TLR7: variants seen among roughly 807,000 people sequenced by gnomAD.
The protein encoded by TLR7 is toll-like receptor 7.
In TLR7, 12 loss-of-function variants were observed where a neutral mutation model predicts 38.3. That is an observed-to-expected ratio of 0.31 (90% CI 0.20 to 0.51). The LOEUF (loss-of-function observed/expected upper bound fraction) is 0.51, where lower values mean the gene tolerates loss of function less well. Ranked by LOEUF, TLR7 falls within the 20% of genes least tolerant of loss-of-function variation. The pLI is 0.98. For synonymous variants in TLR7, 285 were observed against 293.8 expected, an observed-to-expected ratio of 0.97 and a Z score of 0.31; for missense variants, 504 against 743.4, an observed-to-expected ratio of 0.68 and a Z score of 3.74.
At position 12,886,120 on chromosome X, in the gene TLR7, A is replaced by G; in HGVS notation, c.612A>G (p.Thr204=). ...AGAAAGATGCCTTCCTAAACTTGAC[A>G]AAGTTAAAAGTGCTCTCCCTGAAAG... ...SIEKDAFLNL[T]KLKVLSLKDN... is the part of the protein sequence containing the mutation. Residue 204 remains threonine, a synonymous_variant, in exon 3 of 3, where the codon ACA becomes ACG. Coordinates refer to ENST00000380659, the MANE Select transcript of TLR7 (RefSeq NM_016562.4). The G allele has an allele frequency of 1.7e-6, 2 of 1,211,942 alleles. No individual in the cohort carries two copies. Among genetic ancestry groups the G allele is most frequent in the Non-Finnish European group, 2.2e-6 (2 of 895,447 alleles).
intron 2 of TLR7, among the ~76,000 whole-genome samples, chrX:12,870,186 G>A (rs763976530): frequency 3.6e-5 from 4 of 111,296 alleles, no homozygotes; most frequent in Non-Finnish European, 5.6e-5. Context: ...AGGCTCATGA[G>A]GTCAAGTGAT....
intron 2 of TLR7, among the ~76,000 whole-genome samples, chrX:12,870,895 C>T (rs2042850232): frequency 8.9e-6 from 1 of 111,815 alleles, no homozygotes; most frequent in Admixed American, 9.5e-5. Flanking sequence ...TACTAACTGG[C>T]CCTTTACAGA....
At chrX:12,884,004 G>T (rs978006887) in intron 2 of TLR7, among the ~76,000 whole-genome samples, 1 of 111,094 alleles carries the variant, frequency 9.0e-6, no homozygotes, top group Admixed American at 9.5e-5. Flanking sequence ...TTTTGAGACA[G>T]GGTCTTGCTC....
Position 12,885,635 on chromosome X carries a change from C to T in TLR7, c.127C>T (p.Pro43Ser). Residue 43 changes from proline to serine, a missense_variant, in exon 3 of 3, where the codon CCA (proline) becomes TCA (serine). By Grantham distance (74) the Pro-to-Ser change is moderately conservative. Transcript: ENST00000380659. ...GCCCTGTGATGTCACTCTGGATGTT[C>T]CAAAGAACCATGTGATCGTGGACTG... ...TLPCDVTLDV[P>S]KNHVIVDCTD... 8 of 1,211,814 alleles carry T rather than the reference C, an allele frequency of 6.6e-6. No homozygotes were observed. Among genetic ancestry groups the T allele is most frequent in the Non-Finnish European group, 8.9e-6 (8 of 895,545 alleles).
intron 2 of TLR7, among the ~76,000 whole-genome samples, chrX:12,868,845 G>C (rs182734725): frequency 9.0e-6 from 1 of 111,478 alleles, no homozygotes; most frequent in African/African-American, 3.3e-5. Flanking sequence ...AACTGCTTAC[G>C]GTTTCATTTC....
In TLR7 at chrX:12,885,735, A is replaced by G; in HGVS notation, c.227A>G (p.His76Arg). 1 of 1,211,614 alleles carries G rather than the reference A, an allele frequency of 8.3e-7. No homozygotes were observed. Among genetic ancestry groups the G allele is most frequent in the Non-Finnish European group, 1.1e-6 (1 of 895,472 alleles). ...ACGAACCTCACCCTCACCATTAACC[A>G]CATACCAGACATCTCCCCAGCGTCC... Reference protein sequence around the residue: ...NTTNLTLTINHIPDISPASFH... With the variant: ...NTTNLTLTINRIPDISPASFH... Residue 76 changes from histidine (H) to arginine (R), a missense_variant, in exon 3 of 3, where the codon CAC becomes CGC. Physicochemically the swap from His to Arg is conservative, Grantham distance 29. Coordinates refer to ENST00000380659, the MANE Select transcript of TLR7 (RefSeq NM_016562.4).
chrX:12,880,197 T>C (rs1013171640), intron 2 of TLR7, among the ~76,000 whole-genome samples: 2 of 112,108 alleles, frequency 1.8e-5, no homozygotes, highest in Admixed American at 9.4e-5. Context: ...TATGAGTCAG[T>C]AGATACATAT....
chrX:12,878,213 T>C (rs2042879860), intron 2 of TLR7, among the ~76,000 whole-genome samples: 1 of 112,029 alleles, frequency 8.9e-6, no homozygotes, highest in Non-Finnish European at 1.9e-5. Context: ...AATATAGACT[T>C]GGAATGAATT....
At chrX:12,870,205 G>C (rs5743725) in intron 2 of TLR7, among the ~76,000 whole-genome samples, 248 of 111,467 alleles carry the variant, frequency 2.2e-3, no homozygotes, top group African/African-American at 7.7e-3. Flanking sequence ...ATTTATGAAA[G>C]TCAGAGAGCT....
chrX:12,885,791 G>A lies in TLR7; in HGVS notation c.283G>A (p.Asp95Asn), dbSNP rs200138463. Residue 95 changes from aspartate (D) to asparagine (N), a missense_variant, in exon 3 of 3, where the codon GAT becomes AAT. Transcript: ENST00000380659. ...FHRLDHLVEIDFRCNCVPIPL... is the reference protein window; with the variant it reads ...FHRLDHLVEINFRCNCVPIPL... ...CAGACTGGACCATCTGGTAGAGATCGATTTCAGATGCAACTGTGTACCTAT... is the reference window on the plus strand; with the variant it reads ...CAGACTGGACCATCTGGTAGAGATCAATTTCAGATGCAACTGTGTACCTAT... 1 of 1,211,853 alleles carries A rather than the reference G, an allele frequency of 8.3e-7. No individual in the cohort carries two copies. Among genetic ancestry groups the A allele is most frequent in the Non-Finnish European group, 1.1e-6 (1 of 895,473 alleles).
In TLR7 at chrX:12,887,609, C is replaced by T; in HGVS notation, c.2101C>T (p.Leu701=). 1 of 1,210,207 alleles carries T rather than the reference C, an allele frequency of 8.3e-7. No homozygotes were observed. The highest frequency in any genetic ancestry group is 1.1e-6 in the Non-Finnish European group (1 of 894,957). The change falls in exon 3 of 3, where the codon CTG becomes TTG. Residue 701 remains leucine, a synonymous_variant. Coordinates refer to ENST00000380659, the MANE Select transcript of TLR7 (RefSeq NM_016562.4). ...GAAGAAACTCCAGTGTCTAAAGAAC[C>T]TGGAAACTTTGGACCTCAGCCACAA... is the stretch of plus-strand genomic sequence containing the variant. ...SWKKLQCLKN[L]ETLDLSHNQL...
In TLR7 at chrX:12,890,082, A is replaced by T. The variant is rs201056208; in HGVS notation, c.*1424A>T. The T allele has an allele frequency of 8.9e-6, 1 of 112,820 alleles. No individual in the cohort carries two copies. The highest frequency in any genetic ancestry group is 1.9e-5 in the Non-Finnish European group (1 of 53,398). The allele number at this position is 112,820 out of a possible 1,213,427, so 9.3% of individuals were successfully genotyped here. A position where few individuals can be genotyped will look rare whatever the true frequency, so the allele number is the denominator to read the frequency against. On this transcript the variant is annotated 3_prime_UTR_variant, in exon 3 of 3. Coordinates refer to ENST00000380659, the MANE Select transcript of TLR7 (RefSeq NM_016562.4). ...TGTACTTTCAGCTGGGTATAAATTC[A>T]TGAGTTCAAAGATTGAAACCTGACC...
At chrX:12,882,384 G>C (rs2042895599) in intron 2 of TLR7, among the ~76,000 whole-genome samples, 1 of 110,440 alleles carries the variant, frequency 9.1e-6, no homozygotes, top group African/African-American at 3.3e-5. Flanking sequence ...TGACTAATTG[G>C]AGTTGGGAGG....
chrX:12,875,590 A>G (rs1005317916), intron 2 of TLR7, among the ~76,000 whole-genome samples: 1 of 111,664 alleles, frequency 9.0e-6, no homozygotes, highest in Non-Finnish European at 1.9e-5. Context: ...GTGGGAGGTA[A>G]TTGAATCATG....
At chrX:12,883,395 G>C (rs1415305400) in intron 2 of TLR7, among the ~76,000 whole-genome samples, 1 of 111,933 alleles carries the variant, frequency 8.9e-6, no homozygotes, top group East Asian at 2.8e-4. Context: ...CAGGGAACTT[G>C]GGTTTATCGA....
At chrX:12,876,496 G>A in intron 2 of TLR7, among the ~76,000 whole-genome samples, 1 of 112,065 alleles carries the variant, frequency 8.9e-6, no homozygotes, top group Non-Finnish European at 1.9e-5. Context: ...TTGCCTGTCT[G>A]ATCTCTGCTT....
At chrX:12,868,808 C>G (rs149316164) in intron 2 of TLR7, among the ~76,000 whole-genome samples, 16 of 111,655 alleles carry the variant, frequency 1.4e-4, no homozygotes, top group African/African-American at 5.2e-4. Flanking sequence ...GAAGCATTAA[C>G]CATGGGGCTA....
At chrX:12,869,925 A>C (rs1323778659) in intron 2 of TLR7, among the ~76,000 whole-genome samples, 1 of 109,536 alleles carries the variant, frequency 9.1e-6, no homozygotes, top group Non-Finnish European at 1.9e-5. Context: ...TAATCATCAA[A>C]TCATGTTTTT....
In TLR7 at chrX:12,887,332, C is replaced by T; in HGVS notation, c.1824C>T (p.Ile608=). 1.7e-6 allele frequency: 2 copies of T among 1,211,883 alleles called. No individual in the cohort carries two copies. Among genetic ancestry groups the T allele is most frequent in the Non-Finnish European group, 2.2e-6 (2 of 895,485 alleles). ...AACTGATGATGAACGACAATGACAT[C>T]TCTTCCTCCACCAGCAGGACCATGG... ...LQKLMMNDND[I]SSSTSRTMES... is the part of the protein sequence containing the mutation. Residue 608 remains isoleucine (I), a synonymous_variant, in exon 3 of 3, where the codon ATC becomes ATT. Coordinates refer to ENST00000380659, the MANE Select transcript of TLR7 (RefSeq NM_016562.4).
Sources: allele counts gnomAD v4.1 joint callset (sites outside exome capture counted in the v4.1 genomes callset), GRCh38; gene constraint gnomAD v4.1.1; transcripts MANE v1.5; gene names NCBI Gene and HGNC (gene_info 2026-07-23, HGNC 2026-07-21).